The following PTPRT variants were observed in gnomAD, a reference collection of about 807,000 sequenced individuals.
PTPRT encodes the protein receptor-type tyrosine-protein phosphatase T.
PTPRT carries 56 observed loss-of-function variants against 176.8 expected under a neutral mutation model. The observed-to-expected ratio is 0.32, with a 90% CI of 0.26 to 0.40. The LOEUF is 0.40. Among genes scored for constraint, PTPRT ranks in the 10% least tolerant of loss-of-function variants. The pLI is 1.00. For synonymous variants in PTPRT, 783 were observed against 739.0 expected, an observed-to-expected ratio of 1.06 and a Z score of -0.96; for missense variants, 1,540 against 1,908.2, an observed-to-expected ratio of 0.81 and a Z score of 3.60.
the PTPRT span, among the ~76,000 whole-genome samples, chr20:42,044,378 C>G: frequency 6.6e-6 from 1 of 152,226 alleles, no homozygotes; most frequent in African/African-American, 2.4e-5. Context: ...TACAACCACT[C>G]AGGCCCAGGC....
intron 14 of PTPRT, among the ~76,000 whole-genome samples, chr20:42,246,548 A>G (rs2056454440): frequency 6.6e-6 from 1 of 152,142 alleles, no homozygotes; most frequent in African/African-American, 2.4e-5. Context: ...TAAAACTACC[A>G]CAAAGGACTT....
intron 1 of PTPRT, among the ~76,000 whole-genome samples, chr20:43,129,575 T>A (rs2013572096): frequency 6.7e-6 from 1 of 149,628 alleles, no homozygotes; most frequent in South Asian, 2.1e-4. Context: ...ACTCAGCTGC[T>A]CCTCCAGCTC....
chr20:42,699,293 C>T (rs1000015621), intron 6 of PTPRT, among the ~76,000 whole-genome samples: 3 of 152,254 alleles, frequency 2.0e-5, no homozygotes, highest in Middle Eastern at 3.4e-3. Flanking sequence ...GATCATTTTG[C>T]ACCTGCTGAA....
intron 5 of PTPRT, among the ~76,000 whole-genome samples, chr20:42,757,052 T>TAAA (rs554308907): frequency 2.5e-5 from 3 of 118,610 alleles, no homozygotes; most frequent in African/African-American, 6.0e-5. Context: ...CCTGCCTCTT[T>TAAA]AAAAAAAAAA....
the PTPRT span, among the ~76,000 whole-genome samples, chr20:42,047,342 C>T: frequency 6.6e-6 from 1 of 152,140 alleles, no homozygotes. Flanking sequence ...CCTATACTAC[C>T]CCTGGGGGAT....
At chr20:42,133,007 T>C (rs915081040) in intron 18 of PTPRT, among the ~76,000 whole-genome samples, 15 of 152,222 alleles carry the variant, frequency 9.9e-5, no homozygotes, top group African/African-American at 3.6e-4. Context: ...TTTTTGACTT[T>C]ATGATAGTTC....
chr20:43,041,768 T>C (rs1285330090), intron 1 of PTPRT, among the ~76,000 whole-genome samples: 1 of 152,270 alleles, frequency 6.6e-6, no homozygotes, highest in Admixed American at 6.5e-5. Context: ...CTAGCTTTTT[T>C]TGTAAATAAA....
At position 42,479,093 on chromosome 20, in the gene PTPRT, C is replaced by T. The variant is rs576845310; in HGVS notation, c.1154-6531G>A. Among the ~76,000 whole-genome samples the T allele has an allele frequency of 5.9e-5, 9 of 152,276 alleles. No homozygotes were observed. The South Asian group carries it at 1.9e-3, about 32-fold the overall frequency. On this transcript the variant is annotated intron_variant, in intron 7 of 30. Transcript: ENST00000373187. ...CTTTTTTGTTCTGTATGGACTCAGCCTCCATCCCTGCTGTCAAAGGCAATA... is the reference window on the plus strand; with the variant it reads ...CTTTTTTGTTCTGTATGGACTCAGCTTCCATCCCTGCTGTCAAAGGCAATA...
At chr20:42,050,966 A>T in the PTPRT span, among the ~76,000 whole-genome samples, 1 of 152,360 alleles carries the variant, frequency 6.6e-6, no homozygotes, top group East Asian at 1.9e-4. Flanking sequence ...CTAGGCAGAG[A>T]AAAGCTCTGC....
intron 2 of PTPRT, among the ~76,000 whole-genome samples, chr20:42,827,973 T>C (rs1163877067): frequency 1.3e-5 from 2 of 152,194 alleles, no homozygotes; most frequent in Non-Finnish European, 2.9e-5. Context: ...ATACAGTAAT[T>C]TGATACCAGT....
chr20:42,796,811 T>G (rs751384772), intron 2 of PTPRT, among the ~76,000 whole-genome samples: 2 of 152,208 alleles, frequency 1.3e-5, no homozygotes, highest in Non-Finnish European at 2.9e-5. Flanking sequence ...TGTAGGATGC[T>G]TCTAACAAGG....
At position 42,625,436 on chromosome 20, in the gene PTPRT, G is replaced by GT. The variant is rs376567454; in HGVS notation, c.1153+52429dup. Among the ~76,000 whole-genome samples the GT allele has an allele frequency of 3.0e-3, 440 of 148,154 alleles. 4 individuals are homozygous for GT. Among genetic ancestry groups the GT allele is most frequent in the African/African-American group, 8.4e-3 (342 of 40,618 alleles). ...ATGAAACATACCAGAACCTTTTCTA[G>GT]TTTTTTTTTTTCTTTAATTCTTTCT... On this transcript the variant is annotated intron_variant, in intron 7 of 30. Coordinates refer to ENST00000373187, the MANE Select transcript of PTPRT (RefSeq NM_007050.6).
chr20:42,335,866 G>C (rs2058032351), intron 11 of PTPRT, among the ~76,000 whole-genome samples: 1 of 152,114 alleles, frequency 6.6e-6, no homozygotes, highest in African/African-American at 2.4e-5. Context: ...GTAATTAGAA[G>C]TAGTATAACA....
intron 7 of PTPRT, among the ~76,000 whole-genome samples, chr20:42,587,302 C>G (rs2073488367): frequency 6.6e-6 from 1 of 152,234 alleles, no homozygotes; most frequent in African/African-American, 2.4e-5. Flanking sequence ...AGAGGAAGGA[C>G]AGCATCCCAG....
intron 1 of PTPRT, among the ~76,000 whole-genome samples, chr20:43,023,655 G>A (rs954071989): frequency 2.6e-5 from 4 of 152,192 alleles, no homozygotes; most frequent in South Asian, 2.1e-4. Flanking sequence ...AGAGCTGCCT[G>A]AGCAAGGGCC....
intron 6 of PTPRT, among the ~76,000 whole-genome samples, chr20:42,697,898 C>T (rs1438701286): frequency 6.6e-6 from 1 of 152,166 alleles, no homozygotes; most frequent in Non-Finnish European, 1.5e-5. Context: ...TGCCTAAAGC[C>T]TCATCTAGAT....
In PTPRT at chr20:42,287,725, T is replaced by C. The variant is rs537027548; in HGVS notation, c.2140-5200A>G. On this transcript the variant is annotated intron_variant, in intron 12 of 30. Coordinates refer to ENST00000373187, the MANE Select transcript of PTPRT (RefSeq NM_007050.6). The stretch of plus-strand genomic sequence containing the variant: ...AAATAGCTAGACAGAGGATACTGAA[T>C]GTTCCCAACACAAAGAAATGGTAAA... Among the ~76,000 whole-genome samples, 10 of 152,056 alleles carry C rather than the reference T, an allele frequency of 6.6e-5. No individual in the cohort carries two copies. The South Asian group carries it at 2.1e-3, about 32-fold the overall frequency.
intron 5 of PTPRT, among the ~76,000 whole-genome samples, chr20:42,763,830 C>T (rs762053368): frequency 1.1e-4 from 17 of 152,246 alleles, no homozygotes; most frequent in Non-Finnish European, 1.8e-4. Context: ...CCTCTATGTA[C>T]GTGGCTGACT....
At chr20:42,987,215 G>A (rs1175322830) in intron 1 of PTPRT, among the ~76,000 whole-genome samples, 1 of 152,158 alleles carries the variant, frequency 6.6e-6, no homozygotes, top group African/African-American at 2.4e-5. Flanking sequence ...CCTGCCAGGA[G>A]CTTCTCCCCC....
Sources: allele counts gnomAD v4.1 joint callset (sites outside exome capture counted in the v4.1 genomes callset), GRCh38; gene constraint gnomAD v4.1.1; transcripts MANE v1.5; gene names NCBI Gene and HGNC (gene_info 2026-07-23, HGNC 2026-07-21).